The following CRTAC1 variants were observed in gnomAD, a reference collection of about 807,000 sequenced individuals.
The protein encoded by CRTAC1 is cartilage acidic protein 1.
CRTAC1 carries 37 observed loss-of-function variants against 67.8 expected under a neutral mutation model. That is an observed-to-expected ratio of 0.55 (90% CI 0.42 to 0.72). The LOEUF (loss-of-function observed/expected upper bound fraction) is 0.72. Among genes scored for constraint, CRTAC1 ranks in the 30% least tolerant of loss-of-function variants. CRTAC1 has a pLI of 0.00. For synonymous variants in CRTAC1, 348 were observed against 371.0 expected (o/e 0.94, Z 0.71); for missense variants, 780 against 931.6 (o/e 0.84, Z 2.12).
intron 8 of CRTAC1, 116 bp downstream of exon 8, chr10:97,901,387 G>A: frequency 8.0e-7 from 1 of 1,254,694 alleles, no homozygotes; most frequent in Non-Finnish European, 1.1e-6. Flanking sequence ...TGTTGACCTT[G>A]GCCTGACCCC....
At chr10:97,902,770 C>T (rs76706940) in intron 7 of CRTAC1, among the ~76,000 whole-genome samples, 2,666 of 152,232 alleles carry the variant, frequency 0.018, 77 homozygotes, top group African/African-American at 0.058. Flanking sequence ...GCTGCAGACC[C>T]TCTTTGGCAG....
intron 1 of CRTAC1, among the ~76,000 whole-genome samples, chr10:98,027,809 T>C (rs1165548577): frequency 1.3e-5 from 2 of 152,234 alleles, no homozygotes; most frequent in African/African-American, 2.4e-5. Context: ...GAGTGCCTAC[T>C]GTATAGAGAA....
intron 1 of CRTAC1, among the ~76,000 whole-genome samples, chr10:98,027,856 G>A (rs566215645): frequency 1.3e-5 from 2 of 152,312 alleles, no homozygotes; most frequent in East Asian, 1.9e-4. Flanking sequence ...GAAGCAGGCC[G>A]CTGGAGTGGA....
chr10:97,948,689 G>A (rs184460789), intron 2 of CRTAC1, among the ~76,000 whole-genome samples: 1 of 152,162 alleles, frequency 6.6e-6, no homozygotes, highest in African/African-American at 2.4e-5. Context: ...AGGTGGAAGA[G>A]AGCAACTAGA....
chr10:97,954,277 G>C (rs1159122549), intron 2 of CRTAC1, among the ~76,000 whole-genome samples: 1 of 152,148 alleles, frequency 6.6e-6, no homozygotes, highest in African/African-American at 2.4e-5. Context: ...GACCCCCCAG[G>C]ACTGGATGTA....
At chr10:97,926,113 G>T (rs1354559225) in intron 3 of CRTAC1, among the ~76,000 whole-genome samples, 3 of 152,210 alleles carry the variant, frequency 2.0e-5, no homozygotes, top group African/African-American at 7.2e-5. Context: ...AGTGGAGGCA[G>T]ACCCAGGAGG....
intron 14 of CRTAC1, among the ~76,000 whole-genome samples, chr10:97,872,667 T>C (rs929032577): frequency 2.0e-5 from 3 of 151,850 alleles, no homozygotes; most frequent in African/African-American, 4.8e-5. Flanking sequence ...AGAAGATGGG[T>C]ATAGAGAGAT....
chr10:97,959,965 G>A (rs2051500324), intron 2 of CRTAC1, among the ~76,000 whole-genome samples: 1 of 152,228 alleles, frequency 6.6e-6, no homozygotes, highest in Non-Finnish European at 1.5e-5. Flanking sequence ...AGTGCCCAGG[G>A]TTTTTACTTG....
chr10:97,924,467 C>T (rs908498277), intron 3 of CRTAC1, among the ~76,000 whole-genome samples: 3 of 152,122 alleles, frequency 2.0e-5, no homozygotes, highest in African/African-American at 7.2e-5. Context: ...CAGGCTTAGA[C>T]TGAGGAGAGA....
Position 97,889,672 on chromosome 10 carries a change from T to C in CRTAC1, c.1487-5321A>G, listed in dbSNP as rs115038710. Among the ~76,000 whole-genome samples, 1,124 of 152,238 alleles carry C rather than the reference T, an allele frequency of 7.4e-3. 10 individuals are homozygous for C. Among genetic ancestry groups the C allele is most frequent in the African/African-American group, 0.025 (1,058 of 41,526 alleles). On this transcript the variant is annotated intron_variant, in intron 11 of 14. Transcript: ENST00000370597. ...TACATGGGGCAAGGCTGAGGCTGTCTGAGAGATGCACACGTGTACACACTC... is the reference window on the plus strand; with the variant it reads ...TACATGGGGCAAGGCTGAGGCTGTCCGAGAGATGCACACGTGTACACACTC...
chr10:97,872,992 G>T (rs1055831788), intron 14 of CRTAC1, among the ~76,000 whole-genome samples: 2 of 152,170 alleles, frequency 1.3e-5, no homozygotes, highest in Admixed American at 1.3e-4. Flanking sequence ...GAGGTTAAAC[G>T]TCCTGGCACA....
At chr10:97,926,542 C>A (rs1342190122) in intron 3 of CRTAC1, among the ~76,000 whole-genome samples, 4 of 152,064 alleles carry the variant, frequency 2.6e-5, no homozygotes, top group Non-Finnish European at 4.4e-5. Flanking sequence ...ACACATAACA[C>A]CCCCAGCAGG....
chr10:97,957,760 T>C (rs1337533814), intron 2 of CRTAC1, among the ~76,000 whole-genome samples: 1 of 152,076 alleles, frequency 6.6e-6, no homozygotes, highest in African/African-American at 2.4e-5. Context: ...CATACTGGAA[T>C]GCAATGGACC....
chr10:97,909,796 A>G (rs1221999728), intron 5 of CRTAC1, among the ~76,000 whole-genome samples: 11 of 152,244 alleles, frequency 7.2e-5, no homozygotes, highest in Admixed American at 7.2e-4. Flanking sequence ...AAGATATGGA[A>G]TGAAGATACG....
intron 6 of CRTAC1, among the ~76,000 whole-genome samples, chr10:97,906,915 C>T (rs1564888337): frequency 1.3e-5 from 2 of 152,214 alleles, no homozygotes; most frequent in Non-Finnish European, 2.9e-5. Context: ...ACAGCCAGAG[C>T]TTGCAGGACC....
chr10:98,024,795 C>CCACACACA (rs112213274), intron 1 of CRTAC1, among the ~76,000 whole-genome samples: 9 of 118,514 alleles, frequency 7.6e-5, no homozygotes, highest in African/African-American at 3.0e-4. Context: ...CACCTCTCCA[C>CCACACACA]CACACACACA....
chr10:97,896,328 A>G (rs2050458571), intron 9 of CRTAC1, among the ~76,000 whole-genome samples: 1 of 152,106 alleles, frequency 6.6e-6, no homozygotes, highest in African/African-American at 2.4e-5. Flanking sequence ...TCAATTTACC[A>G]AGTGTTTGCA....
chr10:98,011,259 A>ACC lies in CRTAC1; in HGVS notation c.102_103insGG (p.Phe35GlyfsTer50). On this transcript the variant is annotated frameshift_variant, in exon 2 of 15. Coordinates refer to ENST00000370597, the MANE Select transcript of CRTAC1 (RefSeq NM_018058.7). LOFTEE classifies it high-confidence loss of function. ...AGAACTGAGTTGGTGACTGCAGTGA[A>ACC]CATGGGTTCAGCCCGCTGGGACCCC... 1 of 1,614,228 alleles carries ACC rather than the reference A, an allele frequency of 6.2e-7. No individual in the cohort carries two copies. The highest frequency in any genetic ancestry group is 8.5e-7 in the Non-Finnish European group (1 of 1,180,046).
At chr10:98,022,329 T>A (rs553362249) in intron 1 of CRTAC1, among the ~76,000 whole-genome samples, 1 of 150,270 alleles carries the variant, frequency 6.7e-6, no homozygotes, top group African/African-American at 2.5e-5. Context: ...CACTCTAGCC[T>A]GGGCAACAAG....
Sources: gnomAD v4.1 joint callset for allele counts (sites outside exome capture counted in the v4.1 genomes callset) on GRCh38, gnomAD v4.1.1 for gene constraint, MANE v1.5 for transcripts, NCBI Gene and HGNC (gene_info 2026-07-23, HGNC 2026-07-21) for gene names.